The following PSMA7 variants were observed in gnomAD, a reference collection of about 807,000 sequenced individuals.
The protein encoded by PSMA7 is proteasome 20S subunit alpha 7.
Under a neutral mutation model 31.3 loss-of-function variants are expected in PSMA7, and 5 were observed. The ratio of observed to expected loss-of-function variants is 0.16; its 90% CI spans 0.08 to 0.34. The LOEUF (loss-of-function observed/expected upper bound fraction) is 0.34. PSMA7 is among the 10% of genes least tolerant of loss of function. The pLI, the probability that PSMA7 is intolerant of heterozygous loss-of-function variation, is 1.00. For synonymous variants in PSMA7, 155 were observed against 121.9 expected, an observed-to-expected ratio of 1.27 and a Z score of -1.79; for missense variants, 217 against 327.5, an observed-to-expected ratio of 0.66 and a Z score of 2.60.
Position 62,136,759 on chromosome 20 carries a change from ACACT to A in PSMA7, c.*94_*97del. The A allele has an allele frequency of 6.8e-7, 1 of 1,466,388 alleles. No individual in the cohort carries two copies. The highest frequency in any genetic ancestry group is 9.1e-7 in the Non-Finnish European group (1 of 1,104,176). The allele number at this position is 1,466,388 out of a possible 1,614,324, so 90.8% of individuals were successfully genotyped here. ...TAAAAATACGGAAGTTTATTGTAGG[ACACT>A]CAGTGTGAATAAATGGAATGGAAAG... On this transcript the variant is annotated 3_prime_UTR_variant, in exon 7 of 7. Coordinates refer to ENST00000370873, the MANE Select transcript of PSMA7 (RefSeq NM_002792.4).
intron 5 of PSMA7, 156 bp from the exon 6 acceptor site, chr20:62,137,582 A>C (rs2056903025): frequency 2.0e-5 from 14 of 705,960 alleles, no homozygotes; most frequent in Non-Finnish European, 3.5e-5. Flanking sequence ...TCCTAAACTC[A>C]TGGCCATTTG....
In PSMA7 at chr20:62,137,357, T is replaced by G. The variant is rs965841785; in HGVS notation, c.654+7A>C. 1.2e-6 allele frequency: 2 copies of G among 1,613,790 alleles called. No individual in the cohort carries two copies. The highest frequency in any genetic ancestry group is 1.7e-5 in the Admixed American group (1 of 59,970). ...AGGTAAAGAAAGCAGACAAACTTGG[T>G]GATTACCTTGAGGGATTGATCTCGC... On this transcript the variant is annotated splice_region_variant and intron_variant, in intron 6 of 6. Transcript: ENST00000370873.
chr20:62,137,020 G>C (rs549898392), intron 6 of PSMA7, 71 bp from the exon 7 acceptor site: 2 of 1,567,252 alleles, frequency 1.3e-6, no homozygotes, highest in African/African-American at 1.4e-5. Context: ...CTTCTGGGGA[G>C]GGCGGCCAGG....
intron 2 of PSMA7, 76 bp from the exon 3 acceptor site, chr20:62,139,981 C>A (rs1463903721): frequency 5.5e-5 from 85 of 1,532,396 alleles, no homozygotes; most frequent in Non-Finnish European, 7.3e-5. Flanking sequence ...GATGACCCAG[C>A]ATTTAACCTT....
At chr20:62,142,030 A>G (rs1049101433) in intron 1 of PSMA7, among the ~76,000 whole-genome samples, 3 of 152,116 alleles carry the variant, frequency 2.0e-5, no homozygotes, top group Non-Finnish European at 2.9e-5. Context: ...CCTGGCCTCT[A>G]CCCTCCAAAT....
At position 62,137,536 on chromosome 20, in the gene PSMA7, G is replaced by T. The variant is rs1456224972; in HGVS notation, c.592-110C>A. 4 of 1,023,434 alleles carry T rather than the reference G, an allele frequency of 3.9e-6. No individual in the cohort carries two copies. In the South Asian group the frequency reaches 4.0e-5, roughly 10 times the overall value. The allele number at this position is 1,023,434 out of a possible 1,614,324, so 63.4% of individuals were successfully genotyped here. On this transcript the variant is annotated intron_variant, in intron 5 of 6. Coordinates refer to ENST00000370873, the MANE Select transcript of PSMA7 (RefSeq NM_002792.4). ...GTACCCAAACCCAGCACCGTCCCAG[G>T]AACAGAGGTCCCAGCCCCCAAAACC...
chr20:62,137,451 A>G, intron 5 of PSMA7, 25 bp from the exon 6 acceptor site: 3 of 1,611,292 alleles, frequency 1.9e-6, no homozygotes, highest in Non-Finnish European at 2.5e-6. Flanking sequence ...AGACAGGAGC[A>G]TTAACCACCT....
chr20:62,139,185 T>C lies in PSMA7; in HGVS notation c.361A>G (p.Ser121Gly). 1 of 1,614,142 alleles carries C rather than the reference T, an allele frequency of 6.2e-7. No individual in the cohort carries two copies. The highest frequency in any genetic ancestry group is 1.1e-5 in the South Asian group (1 of 91,088). ...ATGCCAAACGGCCTGCGCCCATTGC[T>C]CTGCGTATAACGCTAGCAAGAAAAG... ...IASLKQRYTQSNGRRPFGISA... is the reference protein window; with the variant it reads ...IASLKQRYTQGNGRRPFGISA... The change falls in exon 4 of 7, where the codon AGC becomes GGC. Residue 121 changes from serine (S) to glycine (G), a missense_variant. This residue lies in a region of PSMA7 where 53 missense variants were observed against 119.4 expected (regional missense o/e 0.44). Transcript: ENST00000370873.
Position 62,143,243 on chromosome 20 carries a change from A to G in PSMA7, c.61T>C (p.Tyr21His). ...SPDGHLFQVEYAQEAVKKGST... is the reference protein window; with the variant it reads ...SPDGHLFQVEHAQEAVKKGST... ...CCCTTCTTGACGGCCTCCTGCGCGTACTCCACTTGGAAGAGGTGGCCGTCG... is the reference window on the plus strand; with the variant it reads ...CCCTTCTTGACGGCCTCCTGCGCGTGCTCCACTTGGAAGAGGTGGCCGTCG... The change falls in exon 1 of 7, where the codon TAC becomes CAC. Residue 21 changes from tyrosine to histidine, a missense_variant. Coordinates refer to ENST00000370873, the MANE Select transcript of PSMA7 (RefSeq NM_002792.4). The G allele has an allele frequency of 1.4e-6, 2 of 1,469,010 alleles. No homozygotes were observed. The highest frequency in any genetic ancestry group is 9.1e-7 in the Non-Finnish European group (1 of 1,103,874). The allele number at this position is 1,469,010 out of a possible 1,614,324, so 91.0% of individuals were successfully genotyped here. A position where few individuals can be genotyped will look rare whatever the true frequency, so the allele number is the denominator to read the frequency against.
At chr20:62,140,705 C>A (rs2056922572) in intron 2 of PSMA7, 113 bp downstream of exon 2, 1 of 1,305,096 alleles carries the variant, frequency 7.7e-7, no homozygotes, top group East Asian at 2.5e-5. Flanking sequence ...AAATGATTTT[C>A]ATTTACTCAG....
At chr20:62,139,644 T>A (rs545363844) in intron 3 of PSMA7, 137 bp downstream of exon 3, 17 of 1,425,158 alleles carry the variant, frequency 1.2e-5, no homozygotes, top group Admixed American at 3.5e-5. Context: ...GTTACACTTG[T>A]GCAAGTCAAG....
intron 1 of PSMA7, among the ~76,000 whole-genome samples, chr20:62,141,221 G>A (rs372152434): frequency 1.3e-5 from 2 of 152,086 alleles, no homozygotes; most frequent in African/African-American, 4.8e-5. Context: ...GAGCCATGAC[G>A]GCTGGGAGAC....
chr20:62,139,216 G>C lies in PSMA7; in HGVS notation c.349-19C>G. 1 of 1,607,894 alleles carries C rather than the reference G, an allele frequency of 6.2e-7. No individual in the cohort carries two copies. Among genetic ancestry groups the C allele is most frequent in the Non-Finnish European group, 8.5e-7 (1 of 1,175,776 alleles). On this transcript the variant is annotated intron_variant, in intron 3 of 6. Coordinates refer to ENST00000370873, the MANE Select transcript of PSMA7 (RefSeq NM_002792.4). Reference sequence around the variant, plus strand: ...TATAACGCTAGCAAGAAAAGAAACAGGTCAGTGCCATCCAATTAAGAAACT... The same window carrying C: ...TATAACGCTAGCAAGAAAAGAAACACGTCAGTGCCATCCAATTAAGAAACT...
chr20:62,137,915 T>A (rs1016053223), intron 5 of PSMA7, among the ~76,000 whole-genome samples: 1 of 152,164 alleles, frequency 6.6e-6, no homozygotes, highest in Admixed American at 6.5e-5. Flanking sequence ...CTGCCTCTGG[T>A]TCTCATGCTG....
Position 62,139,122 on chromosome 20 carries a change from G to A in PSMA7, c.424C>T (p.Pro142Ser), listed in dbSNP as rs1015053433. 1.9e-6 allele frequency: 3 copies of A among 1,614,082 alleles called. No homozygotes were observed. The highest frequency in any genetic ancestry group is 2.5e-6 in the Non-Finnish European group (3 of 1,180,042). The part of the protein sequence containing the change: ...LIVGFDFDGT[P>S]RLYQTDPSGT... ...GAGGGGTCAGTCTGATAGAGCCTAG[G>A]AGTGCCATCAAAGTCGAAACCCACG... The change falls in exon 4 of 7, where the codon CCT becomes TCT. Residue 142 changes from proline (P) to serine (S), a missense_variant. Transcript: ENST00000370873.
intron 4 of PSMA7, 101 bp from the exon 5 acceptor site, chr20:62,138,391 T>C: frequency 2.1e-6 from 3 of 1,461,156 alleles, no homozygotes; most frequent in Non-Finnish European, 2.7e-6. Flanking sequence ...CCAGTGGCAG[T>C]GGCAGGAGGC....
chr20:62,138,143 C>T, intron 5 of PSMA7, 28 bp downstream of exon 5: 1 of 1,614,006 alleles, frequency 6.2e-7, no homozygotes, highest in South Asian at 1.1e-5. Context: ...TCTTCACCAC[C>T]TTGCCTGGAT....
intron 1 of PSMA7, chr20:62,142,627 G>A (rs982358355): frequency 6.6e-6 from 1 of 152,188 alleles, no homozygotes; most frequent in African/African-American, 2.4e-5. Flanking sequence ...GGCTCCTCCC[G>A]GCAGAGTGCG....
At chr20:62,139,982 AT>A (rs2056917896) in intron 2 of PSMA7, 77 bp from the exon 3 acceptor site, 1 of 1,530,642 alleles carries the variant, frequency 6.5e-7, no homozygotes. Flanking sequence ...ATGACCCAGC[AT>A]TTAACCTTCC....
Sources: allele counts gnomAD v4.1 joint callset (sites outside exome capture counted in the v4.1 genomes callset), GRCh38; gene constraint gnomAD v4.1.1; regional missense constraint gnomAD v4.1.1; transcripts MANE v1.5; gene names NCBI Gene and HGNC (gene_info 2026-07-23, HGNC 2026-07-21).